The following TACR3 variants were observed in gnomAD, a reference collection of about 807,000 sequenced individuals.
TACR3 encodes the protein tachykinin receptor 3.
A neutral mutation model predicts 35.0 loss-of-function variants in TACR3; 34 were observed. The ratio of observed to expected loss-of-function variants is 0.97; its 90% CI spans 0.74 to 1.30. The LOEUF is 1.30. TACR3 is among the 50% of genes most tolerant of loss of function. The probability of loss-of-function intolerance (pLI) is 0.00; values close to 1 mark genes in which losing one functional copy is unlikely to be tolerated. For synonymous variants in TACR3, 233 were observed against 221.1 expected, an observed-to-expected ratio of 1.05 and a Z score of -0.48; for missense variants, 558 against 591.7, an observed-to-expected ratio of 0.94 and a Z score of 0.59.
intron 3 of TACR3, among the ~76,000 whole-genome samples, chr4:103,655,380 A>G (rs1328254751): frequency 6.6e-6 from 1 of 152,156 alleles, no homozygotes; most frequent in Non-Finnish European, 1.5e-5. Flanking sequence ...AATGATTGGC[A>G]TAATCAGTAG....
At chr4:103,594,569 A>G (rs1337251097) in intron 3 of TACR3, among the ~76,000 whole-genome samples, 1 of 152,206 alleles carries the variant, frequency 6.6e-6, no homozygotes, top group Non-Finnish European at 1.5e-5. Context: ...GAATGTTAAC[A>G]TATATTGTAT....
chr4:103,645,540 T>C (rs749914257), intron 3 of TACR3, among the ~76,000 whole-genome samples: 1 of 152,026 alleles, frequency 6.6e-6, no homozygotes, highest in Non-Finnish European at 1.5e-5. Flanking sequence ...CTTAGGACAC[T>C]TAGAAACTGA....
At chr4:103,669,677 T>A (rs112461712) in intron 1 of TACR3, among the ~76,000 whole-genome samples, 2,038 of 152,212 alleles carry the variant, frequency 0.013, 16 homozygotes, top group Admixed American at 0.021. Context: ...CTTTTGCACA[T>A]TTAAAAATGG....
intron 1 of TACR3, among the ~76,000 whole-genome samples, chr4:103,665,807 G>C (rs771918447): frequency 1.3e-5 from 2 of 152,104 alleles, no homozygotes; most frequent in Non-Finnish European, 2.9e-5. Flanking sequence ...GACTTTTAAA[G>C]TTCCCTCTGT....
At chr4:103,676,937 G>A (rs932476810) in intron 1 of TACR3, among the ~76,000 whole-genome samples, 2 of 152,100 alleles carry the variant, frequency 1.3e-5, no homozygotes, top group Non-Finnish European at 2.9e-5. Context: ...TACAGAATGG[G>A]AGAATATTTT....
At chr4:103,670,313 G>A (rs1263943801) in intron 1 of TACR3, among the ~76,000 whole-genome samples, 1 of 151,796 alleles carries the variant, frequency 6.6e-6, no homozygotes, top group Non-Finnish European at 1.5e-5. Flanking sequence ...TTGGCTATTT[G>A]GGATCTTCTG....
chr4:103,669,087 T>C (rs750181794), intron 1 of TACR3, among the ~76,000 whole-genome samples: 9 of 152,158 alleles, frequency 5.9e-5, no homozygotes, highest in Non-Finnish European at 1.2e-4. Context: ...TGTGCTTGGC[T>C]TATTTCACTT....
At chr4:103,655,809 G>C (rs1427708098) in intron 3 of TACR3, among the ~76,000 whole-genome samples, 2 of 151,938 alleles carry the variant, frequency 1.3e-5, no homozygotes, top group Non-Finnish European at 2.9e-5. Context: ...TCATTCCTGG[G>C]ATAAAAGAAG....
chr4:103,635,314 C>A (rs961034420), intron 3 of TACR3, among the ~76,000 whole-genome samples: 4 of 151,734 alleles, frequency 2.6e-5, no homozygotes, highest in Non-Finnish European at 4.4e-5. Context: ...TGAGGTGGAA[C>A]AATGACTGAG....
chr4:103,716,286 T>G (rs1412674945), intron 1 of TACR3, among the ~76,000 whole-genome samples: 1 of 150,820 alleles, frequency 6.6e-6, no homozygotes, highest in Non-Finnish European at 1.5e-5. Flanking sequence ...AGACAGGTAC[T>G]GGTAGTGGTA....
At chr4:103,620,004 G>A (rs1724740471) in intron 3 of TACR3, among the ~76,000 whole-genome samples, 1 of 151,732 alleles carries the variant, frequency 6.6e-6, no homozygotes, top group South Asian at 2.1e-4. Context: ...CTATGTACCT[G>A]ACAAATGTCT....
intron 1 of TACR3, among the ~76,000 whole-genome samples, chr4:103,683,996 G>C (rs1299267032): frequency 6.6e-6 from 1 of 151,788 alleles, no homozygotes; most frequent in East Asian, 1.9e-4. Flanking sequence ...TATATTAATT[G>C]ATAACAGAAA....
intron 3 of TACR3, among the ~76,000 whole-genome samples, chr4:103,645,366 A>G (rs1293308807): frequency 6.6e-6 from 1 of 151,988 alleles, no homozygotes; most frequent in Non-Finnish European, 1.5e-5. Flanking sequence ...TCCAAGAGTA[A>G]GAGATTTAGT....
intron 1 of TACR3, among the ~76,000 whole-genome samples, chr4:103,695,623 A>T (rs1722504866): frequency 6.6e-6 from 1 of 152,026 alleles, no homozygotes; most frequent in South Asian, 2.1e-4. Context: ...GTTCAAAATT[A>T]TACACAATTA....
At chr4:103,614,895 T>G (rs1319381809) in intron 3 of TACR3, among the ~76,000 whole-genome samples, 1 of 122,246 alleles carries the variant, frequency 8.2e-6, no homozygotes, top group Non-Finnish European at 1.8e-5. Context: ...TTTTTTTTTT[T>G]TTTTTTTTTT....
At chr4:103,633,064 T>TTC (rs58826708) in intron 3 of TACR3, among the ~76,000 whole-genome samples, 1 of 151,778 alleles carries the variant, frequency 6.6e-6, no homozygotes, top group African/African-American at 2.4e-5. Context: ...TTGTCCCTCT[T>TTC]ACTGACATTA....
At position 103,663,864 on chromosome 4, in the gene TACR3, T is replaced by C. The variant is rs1408886434; in HGVS notation, c.549-5461A>G. Among the ~76,000 whole-genome samples the C allele has an allele frequency of 3.9e-5, 6 of 152,336 alleles. No homozygotes were observed. The East Asian group carries it at 9.7e-4, about 25-fold the overall frequency. ...ACATTCTCTGGACCTTGAGAATAAA[T>C]AGTCAGATGTGAGATATAATTTCAC... On this transcript the variant is annotated intron_variant, in intron 1 of 4. Transcript: ENST00000304883.
intron 1 of TACR3, among the ~76,000 whole-genome samples, chr4:103,673,346 G>A (rs984888432): frequency 5.3e-5 from 8 of 152,240 alleles, no homozygotes; most frequent in Non-Finnish European, 1.2e-4. Flanking sequence ...AATAGCGAGT[G>A]ACATTGTGAC....
chr4:103,657,014 C>T (rs886478788), intron 2 of TACR3, among the ~76,000 whole-genome samples: 7 of 151,930 alleles, frequency 4.6e-5, no homozygotes, highest in Non-Finnish European at 1.0e-4. Flanking sequence ...AAGTATGCTG[C>T]TGTGAATTAT....
Sources: allele counts gnomAD v4.1 joint callset (sites outside exome capture counted in the v4.1 genomes callset), GRCh38; gene constraint gnomAD v4.1.1; transcripts MANE v1.5; gene names NCBI Gene and HGNC (gene_info 2026-07-23, HGNC 2026-07-21).